The following EPG5 variants were observed in gnomAD, a reference collection of about 807,000 sequenced individuals.
EPG5 encodes the protein ectopic P granules protein 5 homolog.
In EPG5, 159 loss-of-function variants were observed where a neutral mutation model predicts 302.7. That is an observed-to-expected ratio of 0.53 (90% confidence interval 0.46 to 0.60). The LOEUF (loss-of-function observed/expected upper bound fraction) is 0.60, where lower values mean the gene tolerates loss of function less well. EPG5 is among the 20% of genes least tolerant of loss of function. The pLI is 0.00. For missense variants in EPG5, 2,896 were observed against 3,092.4 expected, an observed-to-expected ratio of 0.94 and a Z score of 1.51; for synonymous variants, 1,158 against 1,136.8, an observed-to-expected ratio of 1.02 and a Z score of -0.37.
chr18:45,867,448 G>A, intron 37 of EPG5, 115 bp downstream of exon 37: 1 of 790,298 alleles, frequency 1.3e-6, no homozygotes, highest in Non-Finnish European at 2.1e-6. Context: ...CATATGCCAA[G>A]CATCTGTTCA....
chr18:45,932,152 A>T (rs1455937789), intron 11 of EPG5, among the ~76,000 whole-genome samples: 1 of 152,158 alleles, frequency 6.6e-6, no homozygotes, highest in Non-Finnish European at 1.5e-5. Context: ...AAAAAAAAGA[A>T]TTATCATTCA....
chr18:45,913,875 A>G, intron 20 of EPG5, 47 bp from the exon 21 acceptor site: 4 of 1,600,814 alleles, frequency 2.5e-6, no homozygotes, highest in Non-Finnish European at 3.4e-6. Flanking sequence ...AGCTCGCCCC[A>G]CTGACGAAAT....
At chr18:45,884,513 G>T in intron 30 of EPG5, 104 bp downstream of exon 30, 1 of 1,063,260 alleles carries the variant, frequency 9.4e-7, no homozygotes, top group Non-Finnish European at 1.4e-6. Context: ...AGCCTCTGCT[G>T]TACCTGGAAA....
At chr18:45,871,580 A>G (rs1045940413) in intron 35 of EPG5, among the ~76,000 whole-genome samples, 6 of 152,228 alleles carry the variant, frequency 3.9e-5, no homozygotes, top group Admixed American at 3.9e-4. Context: ...GTATATACAC[A>G]ATGGAATACC....
chr18:45,951,396 G>A (rs1047866576), intron 3 of EPG5, among the ~76,000 whole-genome samples, 158 bp from the exon 4 acceptor site: 3 of 151,072 alleles, frequency 2.0e-5, no homozygotes, highest in Admixed American at 2.0e-4. Context: ...TTTATAAACA[G>A]ACAAGTCAAA....
chr18:45,900,262 C>T (rs769801920), intron 26 of EPG5, among the ~76,000 whole-genome samples: 13 of 151,970 alleles, frequency 8.6e-5, no homozygotes, highest in Non-Finnish European at 1.3e-4. Context: ...ATTAGCCAGG[C>T]GTGGTAGTGG....
At chr18:45,894,927 T>G (rs1487051966) in intron 27 of EPG5, among the ~76,000 whole-genome samples, 9 of 152,142 alleles carry the variant, frequency 5.9e-5, no homozygotes, top group Non-Finnish European at 4.4e-5. Context: ...AGATCTATGT[T>G]TCAAAAGATG....
At chr18:45,904,172 T>A in intron 24 of EPG5, 55 bp from the exon 25 acceptor site, 1 of 1,570,004 alleles carries the variant, frequency 6.4e-7, no homozygotes, top group Non-Finnish European at 8.6e-7. Flanking sequence ...GATTCACATA[T>A]AAAACTATGT....
the EPG5 span, chr18:45,842,276 C>T: frequency 1.4e-4 from 205 of 1,478,488 alleles, no homozygotes; most frequent in Middle Eastern, 5.8e-4. Flanking sequence ...TCCTGGTTCT[C>T]GGGCACCTTG....
At chr18:45,884,888 G>A (rs935461158) in intron 29 of EPG5, 77 bp from the exon 30 acceptor site, 24 of 1,021,176 alleles carry the variant, frequency 2.4e-5, no homozygotes, top group Admixed American at 3.7e-5. Context: ...ATTTTTAAGG[G>A]GCACCAAATA....
At chr18:45,863,586 T>C (rs965909607) in intron 39 of EPG5, among the ~76,000 whole-genome samples, 3 of 152,234 alleles carry the variant, frequency 2.0e-5, no homozygotes, top group Non-Finnish European at 4.4e-5. Context: ...TGACACCTAC[T>C]GGGACAAACA....
chr18:45,873,974 T>G lies in EPG5; in HGVS notation c.6049+2262A>C, dbSNP rs187478790. On this transcript the variant is annotated intron_variant, in intron 35 of 43. Transcript: ENST00000282041. ...TAGGACATTCTAGAGAAGGTAACAC[T>G]ATGGAGATAGTAAAAGGATCAGGGG... Among the ~76,000 whole-genome samples, 175 of 152,250 alleles carry G rather than the reference T, an allele frequency of 1.1e-3. 1 individual carries two copies. Among genetic ancestry groups the G allele is most frequent in the African/African-American group, 4.0e-3 (167 of 41,534 alleles).
At position 45,912,368 on chromosome 18, in the gene EPG5, G is replaced by T; in HGVS notation, c.3905C>A (p.Pro1302His). ...YRWAHQALVT[P>H]SDHPLLPLIW... is the part of the protein sequence containing the mutation. Reference sequence around the variant, plus strand: ...GAGTGGCAGGAGGGGGTGATCAGAAGGTGTGACCAGAGCCTGGTGGGCCCA... The same window carrying T: ...GAGTGGCAGGAGGGGGTGATCAGAATGTGTGACCAGAGCCTGGTGGGCCCA... The change falls in exon 22 of 44, where the codon CCT (proline) becomes CAT (histidine). Residue 1302 changes from proline (P) to histidine (H), a missense_variant. This residue lies in a region of EPG5 where 790 missense variants were observed against 798.0 expected (regional missense o/e 0.99). Transcript: ENST00000282041. The T allele has an allele frequency of 6.2e-7, 1 of 1,611,662 alleles. No individual in the cohort carries two copies. The highest frequency in any genetic ancestry group is 1.6e-4 in the Middle Eastern group (1 of 6,062).
the EPG5 span, among the ~76,000 whole-genome samples, chr18:45,820,178 G>A: frequency 6.6e-6 from 1 of 152,284 alleles, no homozygotes; most frequent in East Asian, 1.9e-4. Flanking sequence ...AGAAGGCATG[G>A]AGAAGAATGA....
chr18:45,924,279 C>G (rs2050220713), intron 14 of EPG5, among the ~76,000 whole-genome samples: 1 of 152,202 alleles, frequency 6.6e-6, no homozygotes, highest in East Asian at 1.9e-4. Context: ...CGCAGCTCTT[C>G]AAGAGGAGAG....
intron 16 of EPG5, among the ~76,000 whole-genome samples, chr18:45,919,755 G>T (rs533389647): frequency 5.9e-5 from 9 of 151,782 alleles, no homozygotes; most frequent in Non-Finnish European, 1.0e-4. Flanking sequence ...CTCGTGATCC[G>T]CCCGCCTCGG....
intron 28 of EPG5, among the ~76,000 whole-genome samples, chr18:45,888,175 G>A (rs547036256): frequency 3.3e-5 from 5 of 150,698 alleles, no homozygotes; most frequent in South Asian, 4.2e-4. Flanking sequence ...GTGTGATCTC[G>A]GCTCACCACA....
chr18:45,891,828 T>C (rs914951802), intron 27 of EPG5, among the ~76,000 whole-genome samples: 1 of 152,240 alleles, frequency 6.6e-6, no homozygotes, highest in African/African-American at 2.4e-5. Context: ...AATAAATCAA[T>C]ACAAGTATCT....
chr18:45,908,151 T>G, intron 23 of EPG5, 70 bp from the exon 24 acceptor site: 7 of 1,244,860 alleles, frequency 5.6e-6, no homozygotes, highest in Non-Finnish European at 7.7e-6. Flanking sequence ...CTTACATCTC[T>G]AGGAACACTG....
Sources: gnomAD v4.1 joint callset for allele counts (sites outside exome capture counted in the v4.1 genomes callset) on GRCh38, gnomAD v4.1.1 for gene constraint, gnomAD v4.1.1 regional missense constraint, MANE v1.5 for transcripts, NCBI Gene and HGNC (gene_info 2026-07-23, HGNC 2026-07-21) for gene names.